Variants in SARM1 observed in about 807,000 individuals in gnomAD.
The protein encoded by SARM1 is NAD(+) hydrolase SARM1.
SARM1 carries 60 observed loss-of-function variants against 65.1 expected under a neutral mutation model. The observed-to-expected ratio is 0.92, with a 90% CI of 0.75 to 1.14. The LOEUF (loss-of-function observed/expected upper bound fraction) is 1.14, where lower values mean the gene tolerates loss of function less well. SARM1 is among the 50% of genes most tolerant of loss of function. SARM1 has a pLI of 0.00. For synonymous variants in SARM1, 417 were observed against 465.4 expected (o/e 0.90, Z 1.34); for missense variants, 913 against 1,015.7 (o/e 0.90, Z 1.37).
In SARM1 at chr17:28,402,006, A is replaced by G; in HGVS notation, c.*5720A>G. On this transcript the variant is annotated 3_prime_UTR_variant, in exon 9 of 9. Coordinates refer to ENST00000585482, the MANE Select transcript of SARM1 (RefSeq NM_015077.4). The stretch of plus-strand genomic sequence containing the variant: ...TCTGCTCTGGTTATCTAGAAAGAAC[A>G]TAATTGTGCTCTGCTGACTGCAAAT... 4.4e-6 allele frequency: 2 copies of G among 458,168 alleles called. No homozygotes were observed. The highest frequency in any genetic ancestry group is 3.5e-5 in the South Asian group (1 of 28,178). The allele number at this position is 458,168 out of a possible 1,614,324, so 28.4% of individuals were successfully genotyped here.
Position 28,400,786 on chromosome 17 carries a change from A to G in SARM1, c.*4500A>G. Reference sequence around the variant, plus strand: ...GAGCACCTGTGAAGAAATAAATACCATACTCTGGAGTCCGAAAGGGCCATA... The same window carrying G: ...GAGCACCTGTGAAGAAATAAATACCGTACTCTGGAGTCCGAAAGGGCCATA... On this transcript the variant is annotated 3_prime_UTR_variant, in exon 9 of 9. Transcript: ENST00000585482. 6.4e-7 allele frequency: 1 copy of G among 1,552,276 alleles called. No individual in the cohort carries two copies. The highest frequency in any genetic ancestry group is 1.2e-5 in the South Asian group (1 of 84,152).
intron 7 of SARM1, among the ~76,000 whole-genome samples, chr17:28,392,299 G>A (rs2068084833): frequency 6.6e-6 from 1 of 151,544 alleles, no homozygotes; most frequent in African/African-American, 2.4e-5. Context: ...TATATTTTTA[G>A]TAGAGACGGG....
In SARM1 at chr17:28,372,097, G is replaced by GGCCGGGC; in HGVS notation, c.70_76dup (p.Glu26GlyfsTer132). On this transcript the variant is annotated frameshift_variant, in exon 1 of 9. Transcript: ENST00000585482. LOFTEE classifies it high-confidence loss of function. This position sits in a 1 kb window ranked among gnomAD's most constrained non-coding sequence, Gnocchi z 5.2. Reference sequence around the variant, plus strand: ...CGCTTCTTCGCCATGTCGGGCCCACGGCCGGGCGCCGAGCGGCTGGCGGTG... The same window carrying GGCCGGGC: ...CGCTTCTTCGCCATGTCGGGCCCACGGCCGGGCGCCGGGCGCCGAGCGGCTGGCGGTG... 3 of 1,484,634 alleles carry GGCCGGGC rather than the reference G, an allele frequency of 2.0e-6. No homozygotes were observed. The highest frequency in any genetic ancestry group is 2.7e-6 in the Non-Finnish European group (3 of 1,123,950). 92.0% of individuals were successfully genotyped at this position (1,484,634 alleles called of 1,614,324 possible).
At position 28,387,074 on chromosome 17, in the gene SARM1, G is replaced by A. The variant is rs530794303; in HGVS notation, c.1631-1100G>A. Among the ~76,000 whole-genome samples, 85 of 152,124 alleles carry A rather than the reference G, an allele frequency of 5.6e-4. 1 individual carries two copies. In the South Asian group the frequency reaches 0.016, roughly 29 times the overall value. ...TTTTTAAACAACAGGAAAATCCTAG[G>A]GCAAAAATAGCTTACAAAAAATAGT... is the stretch of plus-strand genomic sequence containing the variant. On this transcript the variant is annotated intron_variant, in intron 5 of 8. Coordinates refer to ENST00000585482, the MANE Select transcript of SARM1 (RefSeq NM_015077.4).
At position 28,384,598 on chromosome 17, in the gene SARM1, G is replaced by A; in HGVS notation, c.1302+29G>A. 6.5e-7 allele frequency: 1 copy of A among 1,546,162 alleles called. No homozygotes were observed. On this transcript the variant is annotated intron_variant, in intron 3 of 8. Coordinates refer to ENST00000585482, the MANE Select transcript of SARM1 (RefSeq NM_015077.4). This position sits in a 1 kb window ranked among gnomAD's most constrained non-coding sequence, Gnocchi z 4.4. ...GAGTCGCGTGGGATACGCCTCCCCCGAGTCAGAGCGGGCGCCCTGTGCACA... is the reference window on the plus strand; with the variant it reads ...GAGTCGCGTGGGATACGCCTCCCCCAAGTCAGAGCGGGCGCCCTGTGCACA...
At position 28,396,653 on chromosome 17, in the gene SARM1, G is replaced by C. The variant is rs562433674; in HGVS notation, c.*367G>C. 4.5e-4 allele frequency: 104 copies of C among 232,578 alleles called. No individual in the cohort carries two copies. Among genetic ancestry groups the C allele is most frequent in the African/African-American group, 2.3e-3 (101 of 44,358 alleles). The allele number at this position is 232,578 out of a possible 1,614,324, so 14.4% of individuals were successfully genotyped here. A position where few individuals can be genotyped will look rare whatever the true frequency, so the allele number is the denominator to read the frequency against. The stretch of plus-strand genomic sequence containing the variant: ...GTCAGCTTGAGGAGGATGACGGAAG[G>C]CAGCCTCAGACAGGAATTAAGGCAA... On this transcript the variant is annotated 3_prime_UTR_variant, in exon 9 of 9. Transcript: ENST00000585482.
In SARM1 at chr17:28,381,382, G is replaced by A. The variant is rs367907099; in HGVS notation, c.650G>A (p.Arg217His). 6.4e-7 allele frequency: 1 copy of A among 1,562,828 alleles called. No individual in the cohort carries two copies. Among genetic ancestry groups the A allele is most frequent in the South Asian group, 1.2e-5 (1 of 84,992 alleles). Residue 217 changes from arginine (R) to histidine (H), a missense_variant, in exon 2 of 9, where the codon CGC becomes CAC. Around this residue, in one of 3 missense-constraint regions of SARM1, gnomAD observed 862 missense variants for 952.1 expected, o/e 0.91. Transcript: ENST00000585482. Reference sequence around the variant, plus strand: ...GACGCGGTGCTGTATTGGTGCCGCCGCACGGACCCCGCGCTGCTGCGCCAC... The same window carrying A: ...GACGCGGTGCTGTATTGGTGCCGCCACACGGACCCCGCGCTGCTGCGCCAC... ...GLDAVLYWCR[R>H]TDPALLRHCA...
chr17:28,402,128 A>T lies in SARM1; in HGVS notation c.*5842A>T, dbSNP rs781695570. On this transcript the variant is annotated 3_prime_UTR_variant, in exon 9 of 9. Transcript: ENST00000585482. ...GTTTGTTTTGGCCACTTACTTCTCCAGGGTGAGAGGGGGGAAGGCAAGCTG... is the reference window on the plus strand; with the variant it reads ...GTTTGTTTTGGCCACTTACTTCTCCTGGGTGAGAGGGGGGAAGGCAAGCTG... 4.4e-5 allele frequency: 39 copies of T among 890,916 alleles called. No individual in the cohort carries two copies. Among genetic ancestry groups the T allele is most frequent in the Non-Finnish European group, 6.3e-5 (37 of 589,986 alleles). 55.2% of individuals were successfully genotyped at this position (890,916 alleles called of 1,614,324 possible).
Position 28,396,542 on chromosome 17 carries a change from C to A in SARM1, c.*256C>A. The A allele has an allele frequency of 1.9e-6, 1 of 531,508 alleles. No individual in the cohort carries two copies. Among genetic ancestry groups the A allele is most frequent in the Non-Finnish European group, 3.4e-6 (1 of 295,428 alleles). 32.9% of individuals were successfully genotyped at this position (531,508 alleles called of 1,614,324 possible). ...GCCCTGCCATTGGGTTGTCTGTCTCCGTCATGGGGAGGGTCCCTGCTCAGT... is the reference window on the plus strand; with the variant it reads ...GCCCTGCCATTGGGTTGTCTGTCTCAGTCATGGGGAGGGTCCCTGCTCAGT... On this transcript the variant is annotated 3_prime_UTR_variant, in exon 9 of 9. Coordinates refer to ENST00000585482, the MANE Select transcript of SARM1 (RefSeq NM_015077.4).
At chr17:28,393,570 A>G (rs1478507974) in intron 7 of SARM1, among the ~76,000 whole-genome samples, 7 of 152,086 alleles carry the variant, frequency 4.6e-5, no homozygotes, top group Admixed American at 4.6e-4. Flanking sequence ...GCCAAAAAAA[A>G]AAAAGAAAGA....
At chr17:28,388,810 A>C (rs547013711) in intron 7 of SARM1, among the ~76,000 whole-genome samples, 1 of 140,358 alleles carries the variant, frequency 7.1e-6, no homozygotes. Flanking sequence ...TCGCTCTGTC[A>C]CTCAGGCTGG....
chr17:28,387,006 T>TGA (rs1400915104), intron 5 of SARM1, among the ~76,000 whole-genome samples: 1 of 152,148 alleles, frequency 6.6e-6, no homozygotes. Flanking sequence ...CCCAAAGTGT[T>TGA]GAGATTACGG....
rs782211561 is a variant in SARM1, at chr17:28,381,678, A to G, written c.946A>G (p.Ser316Gly). The G allele has an allele frequency of 1.3e-6, 2 of 1,559,524 alleles. No homozygotes were observed. The highest frequency in any genetic ancestry group is 1.7e-6 in the Non-Finnish European group (2 of 1,153,780). ...CTTCGCCCGCTGTCTGGTGGACGCC[A>G]GCGACACAAGCCAGGGCCGCGGGCC... ...GRFARCLVDA[S>G]DTSQGRGPDD... The change falls in exon 2 of 9, where the codon AGC becomes GGC. Residue 316 changes from serine (S) to glycine (G), a missense_variant. Ser to Gly is a moderately conservative substitution (Grantham distance 56). Around this residue, in one of 3 missense-constraint regions of SARM1, gnomAD observed 862 missense variants for 952.1 expected, o/e 0.91. Transcript: ENST00000585482.
chr17:28,376,283 G>T (rs782252402), intron 1 of SARM1, among the ~76,000 whole-genome samples: 7 of 152,050 alleles, frequency 4.6e-5, no homozygotes, highest in Non-Finnish European at 7.4e-5. Flanking sequence ...GGCTGGCCAG[G>T]GGCGGTGGCT....
At position 28,385,115 on chromosome 17, in the gene SARM1, G is replaced by T. The variant is rs2068043913; in HGVS notation, c.1470G>T (p.Trp490Cys). The T allele has an allele frequency of 6.2e-7, 1 of 1,613,756 alleles. No homozygotes were observed. Among genetic ancestry groups the T allele is most frequent in the Non-Finnish European group, 8.5e-7 (1 of 1,179,892 alleles). ...STCDRSNLADWLGSLDPRFRQ... is the reference protein window; with the variant it reads ...STCDRSNLADCLGSLDPRFRQ... ...GCGACCGCAGCAACCTGGCGGACTG[G>T]CTGGGCAGCCTGGACCCGCGCTTCC... Residue 490 changes from tryptophan (W) to cysteine (C), a missense_variant, in exon 5 of 9, where the codon TGG (tryptophan) becomes TGT (cysteine). Around this residue, in one of 3 missense-constraint regions of SARM1, gnomAD observed 862 missense variants for 952.1 expected, o/e 0.91. Coordinates refer to ENST00000585482, the MANE Select transcript of SARM1 (RefSeq NM_015077.4). The surrounding 1 kb of genome is among the most constrained non-coding windows in gnomAD (Gnocchi z 4.5).
At chr17:28,374,884 G>A (rs531611047) in intron 1 of SARM1, among the ~76,000 whole-genome samples, 49 of 147,856 alleles carry the variant, frequency 3.3e-4, no homozygotes, top group South Asian at 1.1e-3. Context: ...GAGGTGGGAG[G>A]ATGGCTTGAG....
chr17:28,386,069 G>A (rs922632792), intron 5 of SARM1, among the ~76,000 whole-genome samples: 2 of 152,128 alleles, frequency 1.3e-5, no homozygotes, highest in Non-Finnish European at 2.9e-5. Flanking sequence ...CAAGGCAGGC[G>A]GATCGCTCAA....
At chr17:28,378,992 C>T (rs559564716) in intron 1 of SARM1, among the ~76,000 whole-genome samples, 1 of 152,326 alleles carries the variant, frequency 6.6e-6, no homozygotes, top group African/African-American at 2.4e-5. Context: ...ATACTGATTG[C>T]CTCCAACTTC....
Position 28,371,905 on chromosome 17 carries a change from C to G in SARM1, c.-128C>G. On this transcript the variant is annotated 5_prime_UTR_variant, in exon 1 of 9. Coordinates refer to ENST00000585482, the MANE Select transcript of SARM1 (RefSeq NM_015077.4). ...TCTGACCGGCACCCTTGCCTGGTACCCTTCTCTCCATTCCTCCCCCTCCAT... is the reference window on the plus strand; with the variant it reads ...TCTGACCGGCACCCTTGCCTGGTACGCTTCTCTCCATTCCTCCCCCTCCAT... The G allele has an allele frequency of 3.2e-6, 2 of 633,272 alleles. No individual in the cohort carries two copies. Among genetic ancestry groups the G allele is most frequent in the Non-Finnish European group, 4.9e-6 (2 of 408,474 alleles). The allele number at this position is 633,272 out of a possible 1,614,324, so 39.2% of individuals were successfully genotyped here.
Sources: gnomAD v4.1 joint callset for allele counts (sites outside exome capture counted in the v4.1 genomes callset) on GRCh38, gnomAD v4.1.1 for gene constraint, gnomAD v4.1.1 regional missense constraint, Gnocchi (gnomAD v3.1) non-coding constraint, MANE v1.5 for transcripts, NCBI Gene and HGNC (gene_info 2026-07-23, HGNC 2026-07-21) for gene names.